The following OGG1 variants were observed in gnomAD, a reference collection of about 807,000 sequenced individuals.
The protein encoded by OGG1 is N-glycosylase/DNA lyase.
Under a neutral mutation model 42.3 loss-of-function variants are expected in OGG1, and 35 were observed. The ratio of observed to expected loss-of-function variants is 0.83; its 90% CI spans 0.63 to 1.10. OGG1 has a LOEUF of 1.10. Ranked by LOEUF, OGG1 falls within the 50% of genes least tolerant of loss-of-function variation. OGG1 has a pLI of 0.00. For synonymous variants in OGG1, 189 were observed against 179.0 expected (o/e 1.06, Z -0.44); for missense variants, 484 against 446.7 (o/e 1.08, Z -0.75).
At chr3:9,774,049 G>C (rs1319576516) in intron 2 of OGG1, among the ~76,000 whole-genome samples, 1 of 152,132 alleles carries the variant, frequency 6.6e-6, no homozygotes, top group African/African-American at 2.4e-5. Context: ...TATTGAAAGA[G>C]TGAGTAGTTA....
In OGG1 at chr3:9,756,477, G is replaced by A. The variant is rs2077567074; in HGVS notation, c.754G>A (p.Asp252Asn). ...ILPGVGTKVA[D>N]CICLMALDKP... Reference sequence around the variant, plus strand: ...CATTCTGTGTCTGTCAAAGGTGGCTGACTGCATCTGCCTGATGGCCCTAGA... The same window carrying A: ...CATTCTGTGTCTGTCAAAGGTGGCTAACTGCATCTGCCTGATGGCCCTAGA... The change falls in exon 5 of 7, where the codon GAC (aspartate) becomes AAC (asparagine). Residue 252 changes from aspartate (D) to asparagine (N), a missense_variant. Physicochemically the swap from Asp to Asn is conservative, Grantham distance 23. Coordinates refer to ENST00000344629, the MANE Select transcript of OGG1 (RefSeq NM_002542.6). The A allele has an allele frequency of 6.2e-7, 1 of 1,614,054 alleles. No individual in the cohort carries two copies. The highest frequency in any genetic ancestry group is 1.3e-5 in the African/African-American group (1 of 74,940).
intron 2 of OGG1, among the ~76,000 whole-genome samples, chr3:9,777,784 G>C (rs2078383759): frequency 6.6e-6 from 1 of 152,144 alleles, no homozygotes. Context: ...AACTGTCTCT[G>C]TTCTTGGAAC....
chr3:9,759,712 C>T (rs1479881974), downstream of OGG1: 1 of 1,614,196 alleles, frequency 6.2e-7, no homozygotes, highest in Admixed American at 1.7e-5. Context: ...AATCTTTTCT[C>T]TGGGTCCTTC....
chr3:9,752,896 C>G (rs962205175), intron 3 of OGG1, among the ~76,000 whole-genome samples: 3 of 151,424 alleles, frequency 2.0e-5, no homozygotes, highest in African/African-American at 4.9e-5. Flanking sequence ...ACTAAAAATA[C>G]GAAAATTAGT....
exon 8 of OGG1, chr3:9,766,687 T>C (rs1218912386): frequency 2.0e-6 from 2 of 985,106 alleles, no homozygotes; most frequent in African/African-American, 1.8e-5. Flanking sequence ...GGGTATTCTT[T>C]CCACATCTGT....
chr3:9,781,720 G>A (rs965703051), intron 3 of OGG1: 2 of 414,610 alleles, frequency 4.8e-6, no homozygotes, highest in Non-Finnish European at 1.0e-5. Context: ...AGAAGGGGAA[G>A]GAGATGCTCA....
intron 2 of OGG1, among the ~76,000 whole-genome samples, chr3:9,776,133 C>T (rs2078359834): frequency 6.6e-6 from 1 of 152,164 alleles, no homozygotes; most frequent in African/African-American, 2.4e-5. Flanking sequence ...TTTCTAGCTT[C>T]ATCTCTTATC....
At chr3:9,787,309 C>G in intron 3 of OGG1, 1 of 1,613,598 alleles carries the variant, frequency 6.2e-7, no homozygotes, top group Non-Finnish European at 8.5e-7. Flanking sequence ...CTGGGCCCAG[C>G]GCTGGGAGTA....
At chr3:9,759,936 C>T (rs1484373851), downstream of OGG1, 55 of 834,968 alleles carry the variant, frequency 6.6e-5, 1 homozygote, top group Non-Finnish European at 3.8e-5. Flanking sequence ...CCAGCTCTTT[C>T]CTTTCTCTCT....
downstream of OGG1, chr3:9,759,635 A>T (rs1391680656): frequency 1.2e-6 from 2 of 1,613,968 alleles, no homozygotes; most frequent in African/African-American, 2.7e-5. Flanking sequence ...GAGGGCCCCA[A>T]ATCCCGCCCC....
downstream of OGG1, among the ~76,000 whole-genome samples, chr3:9,769,218 C>T (rs1417295257): frequency 6.6e-6 from 1 of 151,944 alleles, no homozygotes; most frequent in East Asian, 1.9e-4. Flanking sequence ...CACACATCCA[C>T]CCGCACCCAC....
At chr3:9,771,225 A>G (rs906457316), downstream of OGG1, among the ~76,000 whole-genome samples, 1 of 151,548 alleles carries the variant, frequency 6.6e-6, no homozygotes, top group Non-Finnish European at 1.5e-5. Flanking sequence ...GGATCTCACT[A>G]TATTGCCCAG....
At chr3:9,759,834 C>G, downstream of OGG1, 1 of 1,610,306 alleles carries the variant, frequency 6.2e-7, no homozygotes, top group African/African-American at 1.3e-5. Context: ...TCCCTCAGGT[C>G]TGGCCTGGCA....
At position 9,757,257 on chromosome 3, in the gene OGG1, A is replaced by T; in HGVS notation, c.*107A>T. 1 of 1,614,052 alleles carries T rather than the reference A, an allele frequency of 6.2e-7. No individual in the cohort carries two copies. The highest frequency in any genetic ancestry group is 1.6e-4 in the Middle Eastern group (1 of 6,062). On this transcript the variant is annotated 3_prime_UTR_variant, in exon 7 of 7. Coordinates refer to ENST00000344629, the MANE Select transcript of OGG1 (RefSeq NM_002542.6). This position sits in a 1 kb window ranked among gnomAD's most constrained non-coding sequence, Gnocchi z 4.5. ...CATGTTGGGGAGGGGCCTCCCTGTG[A>T]CTACCTCAAAGGCCAGGCACCCCCA...
intron 4 of OGG1, among the ~76,000 whole-genome samples, chr3:9,755,465 CTTTT>C (rs60075191): frequency 2.9e-5 from 4 of 136,394 alleles, no homozygotes; most frequent in Admixed American, 7.4e-5. Flanking sequence ...AGGCATTTGT[CTTTT>C]TTTTTTTTTT....
chr3:9,761,730 C>T (rs1012649189), downstream of OGG1: 11 of 1,613,974 alleles, frequency 6.8e-6, no homozygotes, highest in Admixed American at 1.7e-4. Flanking sequence ...GAGTCTTCAT[C>T]CAGGCTGTAG....
intron 2 of OGG1, among the ~76,000 whole-genome samples, chr3:9,771,902 C>T (rs1407155685): frequency 1.3e-5 from 2 of 150,818 alleles, no homozygotes; most frequent in African/African-American, 2.4e-5. Context: ...CTGCAACCTC[C>T]GCCTCCTGGG....
At chr3:9,784,968 T>TATA (rs1315238134) in intron 3 of OGG1, among the ~76,000 whole-genome samples, 1 of 152,242 alleles carries the variant, frequency 6.6e-6, no homozygotes, top group African/African-American at 2.4e-5. Flanking sequence ...CTTGTCACTC[T>TATA]ATAATTTACA....
At chr3:9,764,341 G>A (rs2078036129) in intron 7 of OGG1, among the ~76,000 whole-genome samples, 1 of 152,194 alleles carries the variant, frequency 6.6e-6, no homozygotes, top group African/African-American at 2.4e-5. Flanking sequence ...TGTTGCTCAG[G>A]CTGGAGTGTT....
Sources: gnomAD v4.1 joint callset for allele counts (sites outside exome capture counted in the v4.1 genomes callset) on GRCh38, gnomAD v4.1.1 for gene constraint, Gnocchi (gnomAD v3.1) non-coding constraint, MANE v1.5 for transcripts, NCBI Gene and HGNC (gene_info 2026-07-23, HGNC 2026-07-21) for gene names.